Variants in DIAPH3 observed in about 807,000 individuals in gnomAD.
DIAPH3 encodes the protein protein diaphanous homolog 3.
In DIAPH3, 117 loss-of-function variants were observed where a neutral mutation model predicts 144.3. The ratio of observed to expected loss-of-function variants is 0.81; its 90% CI spans 0.70 to 0.95. DIAPH3 has a LOEUF of 0.95. Among genes scored for constraint, DIAPH3 ranks in the 40% least tolerant of loss-of-function variants. DIAPH3 has a pLI of 0.00. For missense variants in DIAPH3, 1,421 were observed against 1,412.7 expected (o/e 1.01, Z -0.09); for synonymous variants, 519 against 488.9 (o/e 1.06, Z -0.81).
At chr13:59,977,743 T>A (rs1420096280) in intron 14 of DIAPH3, among the ~76,000 whole-genome samples, 2 of 151,510 alleles carry the variant, frequency 1.3e-5, no homozygotes, top group Non-Finnish European at 3.0e-5. Context: ...GCGAGAGGAG[T>A]GTATCTAAGA....
At chr13:59,865,523 T>C (rs745587783) in intron 21 of DIAPH3, among the ~76,000 whole-genome samples, 2 of 152,072 alleles carry the variant, frequency 1.3e-5, no homozygotes, top group Non-Finnish European at 2.9e-5. Flanking sequence ...GTCAAGAGAT[T>C]TATCTTACTG....
chr13:60,035,717 T>A (rs991196670), intron 5 of DIAPH3, among the ~76,000 whole-genome samples: 1 of 152,202 alleles, frequency 6.6e-6, no homozygotes, highest in Admixed American at 6.5e-5. Flanking sequence ...TATTTGAAGA[T>A]AGATGGCAGT....
intron 27 of DIAPH3, among the ~76,000 whole-genome samples, chr13:59,719,618 ACC>A (rs767613367): frequency 7.2e-5 from 11 of 152,082 alleles, no homozygotes; most frequent in Non-Finnish European, 1.5e-4. Context: ...CATGTGAAGT[ACC>A]CTGCAACCTG....
chr13:59,763,232 G>GTA (rs1376896444), intron 27 of DIAPH3, among the ~76,000 whole-genome samples: 42 of 151,114 alleles, frequency 2.8e-4, no homozygotes, highest in Middle Eastern at 3.4e-3. Context: ...ATACATGTGT[G>GTA]TATATATATA....
At chr13:59,880,518 C>A (rs889786252) in intron 20 of DIAPH3, among the ~76,000 whole-genome samples, 1 of 151,914 alleles carries the variant, frequency 6.6e-6, no homozygotes, top group Admixed American at 6.6e-5. Context: ...CTGTAGGATG[C>A]CAAATATAAT....
chr13:60,068,528 ATACATGT>A (rs1395735521), intron 4 of DIAPH3, among the ~76,000 whole-genome samples: 2 of 151,774 alleles, frequency 1.3e-5, no homozygotes, highest in Non-Finnish European at 2.9e-5. Flanking sequence ...GGTTCAAGGG[ATACATGT>A]GCAGGTTTGT....
At chr13:60,039,300 ATTTC>A (rs763557655) in intron 5 of DIAPH3, among the ~76,000 whole-genome samples, 7 of 125,158 alleles carry the variant, frequency 5.6e-5, no homozygotes, top group Non-Finnish European at 1.0e-4. Flanking sequence ...TTTTTCCTTG[ATTTC>A]TTTCTCTTTT....
chr13:59,893,808 CT>C (rs2045943509), intron 20 of DIAPH3, among the ~76,000 whole-genome samples: 1 of 152,044 alleles, frequency 6.6e-6, no homozygotes, highest in Non-Finnish European at 1.5e-5. Flanking sequence ...TGACTAATTC[CT>C]TGCCTTAAGT....
chr13:60,125,547 CT>C (rs941981067), intron 2 of DIAPH3, among the ~76,000 whole-genome samples: 4 of 151,826 alleles, frequency 2.6e-5, no homozygotes, highest in Non-Finnish European at 5.9e-5. Flanking sequence ...ACTCAGCCCC[CT>C]AATTATGTTT....
At chr13:60,126,933 T>C (rs1405358497) in intron 2 of DIAPH3, among the ~76,000 whole-genome samples, 1 of 151,614 alleles carries the variant, frequency 6.6e-6, no homozygotes, top group Non-Finnish European at 1.5e-5. Flanking sequence ...AGGTATTAAA[T>C]CAATGACTTA....
At chr13:59,980,066 C>T (rs1040906697) in intron 14 of DIAPH3, among the ~76,000 whole-genome samples, 2 of 151,604 alleles carry the variant, frequency 1.3e-5, no homozygotes, top group Non-Finnish European at 3.0e-5. Flanking sequence ...CTTAAGGTCA[C>T]TGCCAATGTC....
chr13:59,991,971 G>A, intron 11 of DIAPH3, 97 bp downstream of exon 11: 1 of 957,432 alleles, frequency 1.0e-6, no homozygotes, highest in Admixed American at 1.8e-5. Flanking sequence ...ATTTCATGTT[G>A]TTTATATAGA....
chr13:59,683,631 T>C (rs1187619361), intron 27 of DIAPH3, among the ~76,000 whole-genome samples: 1 of 152,090 alleles, frequency 6.6e-6, no homozygotes, highest in East Asian at 1.9e-4. Flanking sequence ...AAAGGGTGCA[T>C]TGGGCAGAAT....
chr13:60,062,303 G>A (rs2056804133), intron 4 of DIAPH3, among the ~76,000 whole-genome samples: 1 of 152,042 alleles, frequency 6.6e-6, no homozygotes, highest in African/African-American at 2.4e-5. Flanking sequence ...TACATTTGCT[G>A]GACATCTATT....
intron 27 of DIAPH3, among the ~76,000 whole-genome samples, chr13:59,752,425 T>C (rs935038299): frequency 1.1e-4 from 16 of 151,216 alleles, no homozygotes; most frequent in Non-Finnish European, 1.9e-4. Flanking sequence ...TGGAGAGCAG[T>C]GGTACTATCA....
At chr13:59,762,050 A>ACCTTTTTTTTTTTTTTTTTTTTTTTTTT (rs1389648314) in intron 27 of DIAPH3, among the ~76,000 whole-genome samples, 1 of 118,990 alleles carries the variant, frequency 8.4e-6, no homozygotes, top group African/African-American at 3.0e-5. Context: ...AAGCGTCAGC[A>ACCTTTTTTTTTTTTTTTTTTTTTTTTTT]TCTTTTTTTT....
At chr13:60,143,329 C>T (rs930987196) in intron 1 of DIAPH3, among the ~76,000 whole-genome samples, 3 of 152,180 alleles carry the variant, frequency 2.0e-5, no homozygotes, top group African/African-American at 7.2e-5. Flanking sequence ...TGGGATAAGA[C>T]TCACCTGGAT....
chr13:59,924,546 G>A (rs1430018745), intron 18 of DIAPH3, among the ~76,000 whole-genome samples: 2 of 150,560 alleles, frequency 1.3e-5, no homozygotes, highest in African/African-American at 2.4e-5. Flanking sequence ...AGTTATGAAA[G>A]GTAGAATTTC....
At chr13:59,742,431 TA>T (rs1807686312) in intron 27 of DIAPH3, among the ~76,000 whole-genome samples, 1 of 152,152 alleles carries the variant, frequency 6.6e-6, no homozygotes, top group African/African-American at 2.4e-5. Flanking sequence ...AGATTCTTCC[TA>T]ATGTCTCTGT....
Sources: allele counts gnomAD v4.1 joint callset (sites outside exome capture counted in the v4.1 genomes callset), GRCh38; gene constraint gnomAD v4.1.1; transcripts MANE v1.5; gene names NCBI Gene and HGNC (gene_info 2026-07-23, HGNC 2026-07-21).